The following ZDHHC21 variants were observed in gnomAD, a reference collection of about 807,000 sequenced individuals.
The protein encoded by ZDHHC21 is zDHHC palmitoyltransferase 21.
Under a neutral mutation model 34.6 loss-of-function variants are expected in ZDHHC21, and 15 were observed. That is an observed-to-expected ratio of 0.43 (90% CI 0.29 to 0.67). The LOEUF (loss-of-function observed/expected upper bound fraction) is 0.67. Among genes scored for constraint, ZDHHC21 ranks in the 30% least tolerant of loss-of-function variants. The pLI is 0.14. For missense variants in ZDHHC21, 344 were observed against 327.7 expected, an observed-to-expected ratio of 1.05 and a Z score of -0.38; for synonymous variants, 142 against 101.8, an observed-to-expected ratio of 1.40 and a Z score of -2.38.
intron 8 of ZDHHC21, among the ~76,000 whole-genome samples, chr9:14,621,407 T>C (rs972379011): frequency 2.0e-5 from 3 of 152,084 alleles, no homozygotes; most frequent in Non-Finnish European, 2.9e-5. Flanking sequence ...ACTTTAAAGA[T>C]TTCAGATTTA....
chr9:14,641,185 T>C (rs912516306), intron 7 of ZDHHC21, among the ~76,000 whole-genome samples: 14 of 152,298 alleles, frequency 9.2e-5, no homozygotes, highest in African/African-American at 3.1e-4. Context: ...GTGTATTATA[T>C]TGAGTCACCA....
At chr9:14,621,708 G>A (rs1011006041) in intron 8 of ZDHHC21, among the ~76,000 whole-genome samples, 1 of 151,962 alleles carries the variant, frequency 6.6e-6, no homozygotes, top group African/African-American at 2.4e-5. Flanking sequence ...TCAAGTTTTT[G>A]CACTGGTGCT....
chr9:14,633,465 T>TA (rs1827717346), intron 8 of ZDHHC21, among the ~76,000 whole-genome samples: 1 of 152,114 alleles, frequency 6.6e-6, no homozygotes, highest in Non-Finnish European at 1.5e-5. Context: ...TACATGAAGG[T>TA]ACCGCTCCAG....
At chr9:14,604,928 C>T in the ZDHHC21 span, among the ~76,000 whole-genome samples, 4 of 152,120 alleles carry the variant, frequency 2.6e-5, no homozygotes, top group Admixed American at 1.3e-4. Flanking sequence ...AGTTTGACTA[C>T]ATTAGATACT....
chr9:14,602,021 T>C, the ZDHHC21 span, among the ~76,000 whole-genome samples: 1 of 151,750 alleles, frequency 6.6e-6, no homozygotes, highest in Non-Finnish European at 1.5e-5. Flanking sequence ...AGGGGAGGGA[T>C]AGCATTAGGA....
chr9:14,672,933 A>G lies in ZDHHC21; in HGVS notation c.155-5T>C. 6.6e-7 allele frequency: 1 copy of G among 1,524,538 alleles called. No homozygotes were observed. The highest frequency in any genetic ancestry group is 8.9e-7 in the Non-Finnish European group (1 of 1,120,126). 94.4% of individuals were successfully genotyped at this position (1,524,538 alleles called of 1,614,324 possible). On this transcript the variant is annotated splice_polypyrimidine_tract_variant and splice_region_variant and intron_variant, in intron 4 of 9. Transcript: ENST00000380916. ...ATATGGAAATGCCATAGAATACTTT[A>G]AAATAAATAAATTAAATAAATTAGT...
At chr9:14,685,920 C>T (rs1225511457) in intron 2 of ZDHHC21, among the ~76,000 whole-genome samples, 1 of 152,010 alleles carries the variant, frequency 6.6e-6, no homozygotes, top group Non-Finnish European at 1.5e-5. Flanking sequence ...ACGGATGAAG[C>T]CTGAAACCAT....
chr9:14,667,122 AAG>A (rs1432159437), intron 5 of ZDHHC21, among the ~76,000 whole-genome samples: 2 of 122,346 alleles, frequency 1.6e-5, no homozygotes, highest in Non-Finnish European at 3.5e-5. Context: ...TAAAGAAAAA[AAG>A]AGAGAAGAAT....
chr9:14,693,153 G>C (rs1305073717), intron 1 of ZDHHC21, 76 bp downstream of exon 1: 2 of 237,348 alleles, frequency 8.4e-6, no homozygotes, highest in East Asian at 1.9e-4. Flanking sequence ...CGGAGCGGGG[G>C]CCGGGGATGG....
intron 8 of ZDHHC21, among the ~76,000 whole-genome samples, chr9:14,627,039 T>G (rs906618076): frequency 6.6e-6 from 1 of 152,116 alleles, no homozygotes; most frequent in African/African-American, 2.4e-5. Flanking sequence ...AATGCTGACC[T>G]GGAGCTGAGT....
chr9:14,647,098 A>G (rs556258500), intron 7 of ZDHHC21, among the ~76,000 whole-genome samples: 117 of 152,274 alleles, frequency 7.7e-4, no homozygotes, highest in African/African-American at 2.6e-3. Flanking sequence ...ACACAGAAAA[A>G]GAAACACATA....
intron 3 of ZDHHC21, among the ~76,000 whole-genome samples, 182 bp from the exon 4 acceptor site, chr9:14,674,567 A>G (rs1050383554): frequency 6.6e-5 from 10 of 152,048 alleles, no homozygotes; most frequent in Admixed American, 2.0e-4. Context: ...ATACTTGGGA[A>G]AACAAACAGA....
chr9:14,635,462 A>T (rs1262721172), intron 8 of ZDHHC21, among the ~76,000 whole-genome samples: 2 of 152,252 alleles, frequency 1.3e-5, no homozygotes, highest in Non-Finnish European at 2.9e-5. Flanking sequence ...CATATGAGGA[A>T]TCTGCATCAG....
At chr9:14,599,780 A>T in the ZDHHC21 span, among the ~76,000 whole-genome samples, 3 of 151,950 alleles carry the variant, frequency 2.0e-5, no homozygotes, top group Admixed American at 1.3e-4. Flanking sequence ...AGGGGCGTCC[A>T]GCATCACATC....
At chr9:14,639,054 C>T (rs904825330) in intron 8 of ZDHHC21, among the ~76,000 whole-genome samples, 11 of 152,024 alleles carry the variant, frequency 7.2e-5, no homozygotes, top group African/African-American at 1.7e-4. Context: ...GATGCCTGCA[C>T]TTGCACGTTT....
At chr9:14,679,208 A>G (rs10810213) in intron 3 of ZDHHC21, among the ~76,000 whole-genome samples, 50,324 of 151,970 alleles carry the variant, frequency 0.33, 9,178 homozygotes, top group East Asian at 0.61. Context: ...AATTATGTAG[A>G]GAGGAAGCAT....
the ZDHHC21 span, among the ~76,000 whole-genome samples, chr9:14,592,622 G>C: frequency 6.6e-6 from 1 of 152,038 alleles, no homozygotes; most frequent in South Asian, 2.1e-4. Flanking sequence ...AAACAGAAAA[G>C]CAGTGAGGAT....
intron 5 of ZDHHC21, among the ~76,000 whole-genome samples, chr9:14,672,140 C>T (rs1021206072): frequency 2.0e-5 from 3 of 151,986 alleles, no homozygotes; most frequent in Non-Finnish European, 4.4e-5. Flanking sequence ...TAAAATACTT[C>T]AGAGTAATTC....
At chr9:14,678,533 G>A (rs1836823962) in intron 3 of ZDHHC21, among the ~76,000 whole-genome samples, 1 of 152,068 alleles carries the variant, frequency 6.6e-6, no homozygotes, top group East Asian at 1.9e-4. Context: ...CCAATGTTAA[G>A]AGGGCACAGA....
Sources: allele counts gnomAD v4.1 joint callset (sites outside exome capture counted in the v4.1 genomes callset), GRCh38; gene constraint gnomAD v4.1.1; transcripts MANE v1.5; gene names NCBI Gene and HGNC (gene_info 2026-07-23, HGNC 2026-07-21).